Variants in TSGA10 observed in about 807,000 individuals in gnomAD.
The protein encoded by TSGA10 is testis specific 10.
Under a neutral mutation model 96.6 loss-of-function variants are expected in TSGA10, and 43 were observed. The ratio of observed to expected loss-of-function variants is 0.44; its 90% CI spans 0.35 to 0.57. TSGA10 has a LOEUF of 0.57. Ranked by LOEUF, TSGA10 falls within the 20% of genes least tolerant of loss-of-function variation. TSGA10 has a pLI of 0.01. For missense variants in TSGA10, 703 were observed against 834.4 expected, an observed-to-expected ratio of 0.84 and a Z score of 1.94; for synonymous variants, 229 against 269.9, an observed-to-expected ratio of 0.85 and a Z score of 1.48.
intron 16 of TSGA10, among the ~76,000 whole-genome samples, chr2:99,059,062 A>ATATATT (rs2084342638): frequency 1.4e-4 from 16 of 111,338 alleles, no homozygotes; most frequent in African/African-American, 3.1e-4. Flanking sequence ...ATATATATAT[A>ATATATT]TATATATTTA....
At chr2:99,153,893 G>C (rs2093720338) in intron 1 of TSGA10, among the ~76,000 whole-genome samples, 1 of 152,224 alleles carries the variant, frequency 6.6e-6, no homozygotes, top group Admixed American at 6.5e-5. Flanking sequence ...GCAAGTCTTA[G>C]TGGTTTCTAT....
intron 2 of TSGA10, 45 bp from the exon 3 acceptor site, chr2:99,118,731 T>C (rs1254293890): frequency 4.3e-6 from 4 of 936,848 alleles, no homozygotes; most frequent in Non-Finnish European, 5.1e-6. Context: ...AATGATTATG[T>C]CAGGAACTAT....
At chr2:99,026,352 TG>T (rs1196208575) in intron 17 of TSGA10, among the ~76,000 whole-genome samples, 1 of 152,222 alleles carries the variant, frequency 6.6e-6, no homozygotes, top group African/African-American at 2.4e-5. Flanking sequence ...TACTTTTAAA[TG>T]TTATAGCTTT....
intron 10 of TSGA10, chr2:99,101,956 T>A: frequency 2.6e-6 from 2 of 774,242 alleles, no homozygotes; most frequent in South Asian, 1.6e-5. Context: ...ACTCTAGAGA[T>A]CTGCTTTACC....
chr2:99,051,572 A>C (rs912743418), intron 16 of TSGA10, among the ~76,000 whole-genome samples: 4 of 152,188 alleles, frequency 2.6e-5, no homozygotes, highest in Non-Finnish European at 4.4e-5. Context: ...ATGTTACCAC[A>C]ATAAGGCAGA....
intron 10 of TSGA10, among the ~76,000 whole-genome samples, chr2:99,095,233 T>G (rs933518139): frequency 6.6e-6 from 1 of 151,952 alleles, no homozygotes; most frequent in African/African-American, 2.4e-5. Context: ...ACAATGGACT[T>G]TGGGGATTTA....
At chr2:99,063,307 T>G (rs2104452414) in intron 16 of TSGA10, among the ~76,000 whole-genome samples, 1 of 152,274 alleles carries the variant, frequency 6.6e-6, no homozygotes, top group South Asian at 2.1e-4. Flanking sequence ...CTCTCTGGCC[T>G]TGGGATTGTA....
intron 1 of TSGA10, chr2:99,147,603 A>C: frequency 2.2e-6 from 2 of 925,120 alleles, no homozygotes; most frequent in Non-Finnish European, 3.3e-6. Flanking sequence ...CCATTCTTTT[A>C]CGTTTGTTGA....
At chr2:99,106,554 A>T (rs942905824) in intron 7 of TSGA10, among the ~76,000 whole-genome samples, 1 of 26,918 alleles carries the variant, frequency 3.7e-5, no homozygotes, top group East Asian at 0.011. Context: ...GCGACACATT[A>T]AAAAAAAAAA....
In TSGA10 at chr2:99,062,319, GAATT is replaced by G. The variant is rs574023453; in HGVS notation, c.1404+2616_1404+2619del. 5.9e-3 allele frequency among the ~76,000 whole-genome samples: 898 copies of G among 151,970 alleles called. 5 individuals carry two copies. Among genetic ancestry groups the G allele is most frequent in the South Asian group, 0.011 (53 of 4,804 alleles). ...TAAGCAATTCTTAGCAGATAACAAA[GAATT>G]AATTATCATAAGCCATTTTATCTGA... On this transcript the variant is annotated intron_variant, in intron 16 of 20. Coordinates refer to ENST00000393483, the MANE Select transcript of TSGA10 (RefSeq NM_025244.4).
intron 1 of TSGA10, among the ~76,000 whole-genome samples, chr2:99,127,659 G>A (rs1035622826): frequency 1.3e-5 from 2 of 151,962 alleles, no homozygotes; most frequent in East Asian, 3.9e-4. Flanking sequence ...TTACAGAAAC[G>A]GCTCCTAAAT....
intron 16 of TSGA10, 130 bp downstream of exon 16, chr2:99,064,809 A>G: frequency 1.5e-6 from 1 of 677,330 alleles, no homozygotes; most frequent in Non-Finnish European, 2.3e-6. Context: ...GAGAATGGTT[A>G]GCATGCTACA....
intron 11 of TSGA10, among the ~76,000 whole-genome samples, chr2:99,080,600 T>G (rs995743553): frequency 6.6e-6 from 1 of 152,208 alleles, no homozygotes; most frequent in Non-Finnish European, 1.5e-5. Context: ...ATATTATCTT[T>G]TATATTTCTG....
In TSGA10 at chr2:99,078,709, C is replaced by A; in HGVS notation, c.832G>T (p.Asp278Tyr). The change falls in exon 12 of 21, where the codon GAT (aspartate) becomes TAT (tyrosine). Residue 278 changes from aspartate to tyrosine, a missense_variant. Transcript: ENST00000393483. ...GATGCAATATTCTCAGATTTTTTAT[C>A]CAAACATGCTTGCAGGCATTCCTTT... is the stretch of plus-strand genomic sequence containing the variant. ...KEKECLQACL[D>Y]KKSENIASLG... The A allele has an allele frequency of 6.2e-7, 1 of 1,613,602 alleles. No homozygotes were observed. The highest frequency in any genetic ancestry group is 8.5e-7 in the Non-Finnish European group (1 of 1,179,848).
chr2:99,035,704 C>A (rs1302377987), intron 16 of TSGA10, among the ~76,000 whole-genome samples: 1 of 151,380 alleles, frequency 6.6e-6, no homozygotes, highest in Non-Finnish European at 1.5e-5. Flanking sequence ...AAACCTTTCC[C>A]ACTTAAAAGT....
chr2:99,028,749 T>C (rs2105024997), intron 17 of TSGA10, among the ~76,000 whole-genome samples: 1 of 152,274 alleles, frequency 6.6e-6, no homozygotes, highest in African/African-American at 2.4e-5. Context: ...CTGCTGTCCA[T>C]GGTTCTCTAT....
intron 14 of TSGA10, among the ~76,000 whole-genome samples, chr2:99,070,048 G>C (rs907574464): frequency 2.6e-5 from 4 of 152,076 alleles, no homozygotes; most frequent in African/African-American, 9.7e-5. Context: ...CACAGAGAGA[G>C]ACCTCTCTTC....
chr2:99,016,256 C>T (rs2079508231), intron 20 of TSGA10, among the ~76,000 whole-genome samples: 1 of 152,116 alleles, frequency 6.6e-6, no homozygotes, highest in Non-Finnish European at 1.5e-5. Flanking sequence ...TACTACAAGA[C>T]TATAGTTATC....
At chr2:99,014,668 C>CA (rs139212724) in intron 20 of TSGA10, among the ~76,000 whole-genome samples, 53,206 of 151,590 alleles carry the variant, frequency 0.35, 10,659 homozygotes, top group African/African-American at 0.55. Context: ...GAAAATGAGA[C>CA]AAAAAAATTA....
Sources: gnomAD v4.1 joint callset for allele counts (sites outside exome capture counted in the v4.1 genomes callset) on GRCh38, gnomAD v4.1.1 for gene constraint, MANE v1.5 for transcripts, NCBI Gene and HGNC (gene_info 2026-07-23, HGNC 2026-07-21) for gene names.